GRIN3A: variants seen among roughly 807,000 people sequenced by gnomAD.
GRIN3A encodes glutamate receptor ionotropic, NMDA 3A.
Under a neutral mutation model 92.4 loss-of-function variants are expected in GRIN3A, and 47 were observed. The observed-to-expected ratio is 0.51, with a 90% CI of 0.40 to 0.65. GRIN3A has a LOEUF of 0.65. Among genes scored for constraint, GRIN3A ranks in the 30% least tolerant of loss-of-function variants. The probability of loss-of-function intolerance (pLI) is 0.00; values close to 1 mark genes in which losing one functional copy is unlikely to be tolerated. For synonymous variants in GRIN3A, 527 were observed against 540.6 expected (o/e 0.97, Z 0.35); for missense variants, 1,324 against 1,393.1 (o/e 0.95, Z 0.79).
chr9:101,589,394 G>A (rs1487823026), intron 6 of GRIN3A, among the ~76,000 whole-genome samples: 1 of 152,142 alleles, frequency 6.6e-6, no homozygotes, highest in Non-Finnish European at 1.5e-5. Context: ...CCATAAAAAG[G>A]GTGAAAGCCA....
intron 6 of GRIN3A, among the ~76,000 whole-genome samples, chr9:101,605,381 T>G (rs1035264314): frequency 1.3e-5 from 2 of 151,748 alleles, no homozygotes; most frequent in African/African-American, 2.4e-5. Context: ...TGTAGGGAAG[T>G]CAGGGAGGTT....
At chr9:101,736,793 A>C (rs1830211211) in intron 1 of GRIN3A, among the ~76,000 whole-genome samples, 1 of 152,158 alleles carries the variant, frequency 6.6e-6, no homozygotes, top group Admixed American at 6.6e-5. Context: ...GCTCAGGCAC[A>C]CCTTCTGAAG....
intron 6 of GRIN3A, among the ~76,000 whole-genome samples, chr9:101,586,070 G>A (rs557417522): frequency 6.6e-6 from 1 of 152,054 alleles, no homozygotes; most frequent in Non-Finnish European, 1.5e-5. Flanking sequence ...AATCAATATT[G>A]CTCCTTCCCT....
At chr9:101,607,084 G>A (rs1280421919) in intron 6 of GRIN3A, among the ~76,000 whole-genome samples, 2 of 151,752 alleles carry the variant, frequency 1.3e-5, no homozygotes, top group Non-Finnish European at 1.5e-5. Flanking sequence ...AAAATTGCCA[G>A]AGTCTGGTCG....
At chr9:101,735,059 A>G (rs1183358388) in intron 1 of GRIN3A, among the ~76,000 whole-genome samples, 4 of 151,994 alleles carry the variant, frequency 2.6e-5, no homozygotes, top group Admixed American at 2.0e-4. Flanking sequence ...CACTGAAAGC[A>G]GATTACGGTC....
At chr9:101,574,522 T>C (rs1271484111) in intron 8 of GRIN3A, among the ~76,000 whole-genome samples, 1 of 152,150 alleles carries the variant, frequency 6.6e-6, no homozygotes, top group African/African-American at 2.4e-5. Context: ...AATTGACTTT[T>C]TTCCTGGACT....
At chr9:101,576,547 C>T (rs187001607) in intron 8 of GRIN3A, among the ~76,000 whole-genome samples, 1 of 152,294 alleles carries the variant, frequency 6.6e-6, no homozygotes, top group Admixed American at 6.5e-5. Flanking sequence ...ATTGGGCTTC[C>T]TGTTTCTATT....
intron 6 of GRIN3A, chr9:101,593,174 A>G (rs1828056255): frequency 6.6e-6 from 1 of 152,232 alleles, no homozygotes; most frequent in East Asian, 1.9e-4. Context: ...TTTTCTCACC[A>G]TGGCTGATCT....
At chr9:101,694,483 C>T (rs907927225) in intron 1 of GRIN3A, among the ~76,000 whole-genome samples, 27 of 152,154 alleles carry the variant, frequency 1.8e-4, no homozygotes, top group African/African-American at 6.3e-4. Flanking sequence ...ACTTTTTTCC[C>T]ATGATAATTC....
chr9:101,711,798 T>C (rs766752007), intron 1 of GRIN3A, among the ~76,000 whole-genome samples: 13 of 152,174 alleles, frequency 8.5e-5, no homozygotes, highest in African/African-American at 1.2e-4. Context: ...GAATGGAAAC[T>C]AGAGAGCTAA....
intron 6 of GRIN3A, among the ~76,000 whole-genome samples, chr9:101,608,651 C>T (rs532752748): frequency 2.1e-4 from 32 of 152,194 alleles, no homozygotes; most frequent in Middle Eastern, 6.8e-3. Flanking sequence ...AAAGCACTAT[C>T]GAACTTCATT....
intron 3 of GRIN3A, among the ~76,000 whole-genome samples, chr9:101,655,583 AT>A (rs891073361): frequency 9.9e-5 from 15 of 152,084 alleles, no homozygotes; most frequent in Admixed American, 4.6e-4. Flanking sequence ...GAGGCAGCAC[AT>A]TGTCCCAAAA....
chr9:101,694,682 T>C (rs879493850), intron 1 of GRIN3A, among the ~76,000 whole-genome samples: 1 of 152,150 alleles, frequency 6.6e-6, no homozygotes, highest in Admixed American at 6.6e-5. Flanking sequence ...ATACAACTTT[T>C]GGGGCTTAAA....
At chr9:101,616,010 G>A (rs560173054) in intron 5 of GRIN3A, among the ~76,000 whole-genome samples, 1 of 152,148 alleles carries the variant, frequency 6.6e-6, no homozygotes, top group Non-Finnish European at 1.5e-5. Context: ...GCTGTGTCTT[G>A]TTTAATATCT....
intron 6 of GRIN3A, 149 bp from the exon 7 acceptor site, chr9:101,579,509 C>G: frequency 1.2e-6 from 1 of 805,954 alleles, no homozygotes; most frequent in African/African-American, 1.7e-5. Flanking sequence ...CTGTGACCTT[C>G]ATTATACATC....
At chr9:101,680,257 A>G (rs1829451750) in intron 2 of GRIN3A, among the ~76,000 whole-genome samples, 1 of 152,122 alleles carries the variant, frequency 6.6e-6, no homozygotes, top group Non-Finnish European at 1.5e-5. Flanking sequence ...TTCTTCTGGA[A>G]CTCTGCTAAT....
intron 3 of GRIN3A, among the ~76,000 whole-genome samples, chr9:101,637,410 G>A (rs1407533082): frequency 6.6e-6 from 1 of 152,202 alleles, no homozygotes; most frequent in South Asian, 2.1e-4. Flanking sequence ...TGGGAGCTAG[G>A]GCATAAACTA....
chr9:101,630,247 G>A (rs1029015657), intron 3 of GRIN3A, among the ~76,000 whole-genome samples: 1 of 151,762 alleles, frequency 6.6e-6, no homozygotes, highest in South Asian at 2.1e-4. Flanking sequence ...AAAATATGTA[G>A]GCAAAGACCT....
At chr9:101,647,237 T>C (rs1828949429) in intron 3 of GRIN3A, among the ~76,000 whole-genome samples, 1 of 151,968 alleles carries the variant, frequency 6.6e-6, no homozygotes, top group Non-Finnish European at 1.5e-5. Flanking sequence ...TTTTTCAGTA[T>C]CTCTTGAAAT....
Sources: gnomAD v4.1 joint callset for allele counts (sites outside exome capture counted in the v4.1 genomes callset) on GRCh38, gnomAD v4.1.1 for gene constraint, MANE v1.5 for transcripts, NCBI Gene and HGNC (gene_info 2026-07-23, HGNC 2026-07-21) for gene names.